DNAH2: variants seen among roughly 807,000 people sequenced by gnomAD.
The protein encoded by DNAH2 is dynein axonemal heavy chain 2.
DNAH2 carries 323 observed loss-of-function variants against 523.5 expected under a neutral mutation model. That is an observed-to-expected ratio of 0.62 (90% CI 0.56 to 0.68). The LOEUF (loss-of-function observed/expected upper bound fraction) is 0.68, where lower values mean the gene tolerates loss of function less well. Among genes scored for constraint, DNAH2 ranks in the 30% least tolerant of loss-of-function variants. The pLI is 0.00. For synonymous variants in DNAH2, 2,093 were observed against 2,177.4 expected (o/e 0.96, Z 1.08); for missense variants, 4,907 against 5,701.5 (o/e 0.86, Z 4.49).
intron 32 of DNAH2, among the ~76,000 whole-genome samples, 198 bp downstream of exon 32, chr17:7,777,087 C>T (rs550704567): frequency 6.6e-6 from 1 of 150,700 alleles, no homozygotes; most frequent in African/African-American, 2.4e-5. Context: ...TAAGATCGTA[C>T]CACTGCACTC....
intron 12 of DNAH2, chr17:7,743,645 GAC>G (rs2075427178): frequency 2.7e-6 from 1 of 367,496 alleles, no homozygotes; most frequent in Non-Finnish European, 4.9e-6. Context: ...CAGCCTGGGC[GAC>G]AGAGTGACCC....
At chr17:7,740,392 G>A in intron 9 of DNAH2, 28 bp from the exon 10 acceptor site, 1 of 1,612,668 alleles carries the variant, frequency 6.2e-7, no homozygotes, top group South Asian at 1.1e-5. Flanking sequence ...AGGGCACTCA[G>A]CTGCCACATG....
chr17:7,787,292 T>C (rs149696894), intron 42 of DNAH2: 5,676 of 545,622 alleles, frequency 0.01, 217 homozygotes, highest in African/African-American at 0.088. Context: ...CGGCTCGTTC[T>C]CACGGATGCA....
At chr17:7,785,535 C>T (rs1354949160) in intron 39 of DNAH2, among the ~76,000 whole-genome samples, 1 of 152,146 alleles carries the variant, frequency 6.6e-6, no homozygotes, top group African/African-American at 2.4e-5. Flanking sequence ...ATTAGTGAGG[C>T]CTGTTAGTGC....
rs376068074 is a variant in DNAH2, at chr17:7,819,431, C to G, written c.11015+23C>G. 107 of 1,613,528 alleles carry G rather than the reference C, an allele frequency of 6.6e-5. No individual in the cohort carries two copies. In the African/African-American group the frequency reaches 1.4e-3, roughly 21 times the overall value. On this transcript the variant is annotated intron_variant, in intron 72 of 85. Transcript: ENST00000572933. Reference sequence around the variant, plus strand: ...CAGGTCTGAGGGTGCCCCCAACATGCCCCAGCCCGGAGGCCGAGTGGCTGT... The same window carrying G: ...CAGGTCTGAGGGTGCCCCCAACATGGCCCAGCCCGGAGGCCGAGTGGCTGT...
chr17:7,743,527 G>A (rs998723356), intron 12 of DNAH2: 68 of 606,754 alleles, frequency 1.1e-4, no homozygotes, highest in Admixed American at 8.7e-4. Context: ...TTAGCTGGGC[G>A]TGGTGGCACA....
At chr17:7,720,817 G>C (rs2074578102) in intron 2 of DNAH2, among the ~76,000 whole-genome samples, 1 of 152,086 alleles carries the variant, frequency 6.6e-6, no homozygotes, top group African/African-American at 2.4e-5. Flanking sequence ...AAGTGCTCAG[G>C]TGAAAGCAGT....
In DNAH2 at chr17:7,758,363, ACTAGTCTAGAAT is replaced by A. The variant is rs374774905; in HGVS notation, c.2052-115_2052-104del. 56 of 1,161,068 alleles carry A rather than the reference ACTAGTCTAGAAT, an allele frequency of 4.8e-5. No homozygotes were observed. In the East Asian group the frequency reaches 1.0e-3, roughly 21 times the overall value. 71.9% of individuals were successfully genotyped at this position (1,161,068 alleles called of 1,614,324 possible). ...CATTGCAAAAAGTTCTTTTGGAAGT[ACTAGTCTAGAAT>A]CTAGTCTAGAATCTAGACTAGTGGT... On this transcript the variant is annotated intron_variant, in intron 13 of 85. Transcript: ENST00000572933.
In DNAH2 at chr17:7,786,712, G is replaced by A; in HGVS notation, c.6466+25G>A. On this transcript the variant is annotated intron_variant, in intron 41 of 85. Transcript: ENST00000572933. This position sits in a 1 kb window ranked among gnomAD's most constrained non-coding sequence, Gnocchi z 7.5. Reference sequence around the variant, plus strand: ...GGTATCCAGAGGATCGTGGGGTGTGGAGAGCAGACGCCTGAGTCTCCTAAG... The same window carrying A: ...GGTATCCAGAGGATCGTGGGGTGTGAAGAGCAGACGCCTGAGTCTCCTAAG... The A allele has an allele frequency of 6.2e-7, 1 of 1,610,738 alleles. No homozygotes were observed. The highest frequency in any genetic ancestry group is 8.5e-7 in the Non-Finnish European group (1 of 1,177,520).
At chr17:7,769,662 A>G (rs1044569955) in intron 24 of DNAH2, among the ~76,000 whole-genome samples, 2 of 152,230 alleles carry the variant, frequency 1.3e-5, no homozygotes, top group African/African-American at 4.8e-5. Flanking sequence ...GGAATTTATT[A>G]TATGGCAGAG....
intron 11 of DNAH2, among the ~76,000 whole-genome samples, chr17:7,741,321 C>T (rs1239185338): frequency 1.1e-5 from 1 of 94,286 alleles, no homozygotes; most frequent in Admixed American, 1.3e-4. Context: ...CTCCCTCCCT[C>T]CCTCCTTCCT....
In DNAH2 at chr17:7,831,056, T is replaced by C; in HGVS notation, c.12231-30T>C. 6.2e-7 allele frequency: 1 copy of C among 1,602,360 alleles called. No homozygotes were observed. The highest frequency in any genetic ancestry group is 1.7e-5 in the Admixed American group (1 of 59,946). On this transcript the variant is annotated intron_variant, in intron 79 of 85. Transcript: ENST00000572933. The surrounding 1 kb of genome is among the most constrained non-coding windows in gnomAD (Gnocchi z 4.2). ...GGCATTGAGGGCTGAGTCCCCACAA[T>C]GTGGCAGTAATTATGCTATGACTCC...
In DNAH2 at chr17:7,758,970, G is replaced by A. The variant is rs1351544035; in HGVS notation, c.2294G>A (p.Arg765His). The change falls in exon 15 of 86, where the codon CGC (arginine) becomes CAC (histidine). Residue 765 changes from arginine to histidine, a missense_variant. Around this residue, in one of 3 missense-constraint regions of DNAH2, gnomAD observed 2,806 missense variants for 3,190.8 expected, o/e 0.88. Transcript: ENST00000572933. ...GAGATGTCAGAGAAGCTGCTGGTAC[G>A]CATTAGTGGCAAACGGGTATACAGG... is the stretch of plus-strand genomic sequence containing the variant. Reference protein sequence around the residue: ...AQEMSEKLLVRISGKRVYRDL... With the variant: ...AQEMSEKLLVHISGKRVYRDL... 9 of 1,614,074 alleles carry A rather than the reference G, an allele frequency of 5.6e-6. No homozygotes were observed. The highest frequency in any genetic ancestry group is 1.6e-4 in the Middle Eastern group (1 of 6,084).
At position 7,818,703 on chromosome 17, in the gene DNAH2, CAGA is replaced by C. The variant is rs1165735541; in HGVS notation, c.10600_10602del (p.Lys3534del). The C allele has an allele frequency of 1.9e-6, 3 of 1,613,926 alleles. No individual in the cohort carries two copies. The highest frequency in any genetic ancestry group is 1.3e-5 in the African/African-American group (1 of 74,878). On this transcript the variant is annotated inframe_deletion, in exon 70 of 86. Transcript: ENST00000572933. ...GAAGGAGCGGCCTGAGCTGGAGGAG[CAGA>C]AGGACTCACTGGTCATCAACATCGC...
intron 63 of DNAH2, 61 bp from the exon 64 acceptor site, chr17:7,816,510 G>A (rs1354334821): frequency 3.8e-6 from 6 of 1,593,530 alleles, no homozygotes; most frequent in Non-Finnish European, 5.1e-6. Flanking sequence ...GTCATGATGT[G>A]AACAAGAACA....
chr17:7,815,386 T>C (rs2077631430), intron 63 of DNAH2, among the ~76,000 whole-genome samples: 1 of 152,260 alleles, frequency 6.6e-6, no homozygotes, highest in South Asian at 2.1e-4. Flanking sequence ...GGAACATGTA[T>C]CGTGTAAATG....
chr17:7,795,559 A>G (rs1373214496), intron 49 of DNAH2, among the ~76,000 whole-genome samples: 1 of 151,558 alleles, frequency 6.6e-6, no homozygotes, highest in Non-Finnish European at 1.5e-5. Flanking sequence ...CTGTGTTCCC[A>G]GCTACTTGAG....
intron 28 of DNAH2, 151 bp downstream of exon 28, chr17:7,771,619 T>G: frequency 1.1e-6 from 1 of 878,678 alleles, no homozygotes; most frequent in South Asian, 1.9e-5. Flanking sequence ...AGATCATAAT[T>G]CTGTAAATTA....
chr17:7,807,365 G>T lies in DNAH2; in HGVS notation c.9612+46G>T. The T allele has an allele frequency of 6.2e-7, 1 of 1,603,778 alleles. No individual in the cohort carries two copies. Among genetic ancestry groups the T allele is most frequent in the Non-Finnish European group, 8.5e-7 (1 of 1,175,748 alleles). ...GCGGGGCGGTAGGGAGGGCAGGCCT[G>T]GGGGAGTGCGGATGCACAGACCCAG... is the stretch of plus-strand genomic sequence containing the variant. On this transcript the variant is annotated intron_variant, in intron 62 of 85. Transcript: ENST00000572933. This position sits in a 1 kb window ranked among gnomAD's most constrained non-coding sequence, Gnocchi z 5.6.
Sources: gnomAD v4.1 joint callset for allele counts (sites outside exome capture counted in the v4.1 genomes callset) on GRCh38, gnomAD v4.1.1 for gene constraint, gnomAD v4.1.1 regional missense constraint, Gnocchi (gnomAD v3.1) non-coding constraint, MANE v1.5 for transcripts, NCBI Gene and HGNC (gene_info 2026-07-23, HGNC 2026-07-21) for gene names.